The following ADSL variants were observed in gnomAD, a reference collection of about 807,000 sequenced individuals.
ADSL encodes the protein adenylosuccinase.
ADSL carries 44 observed loss-of-function variants against 62.1 expected under a neutral mutation model. That is an observed-to-expected ratio of 0.71 (90% CI 0.56 to 0.91). The LOEUF (loss-of-function observed/expected upper bound fraction) is 0.91. Among genes scored for constraint, ADSL ranks in the 40% least tolerant of loss-of-function variants. ADSL has a pLI of 0.00. For synonymous variants in ADSL, 198 were observed against 220.5 expected, an observed-to-expected ratio of 0.90 and a Z score of 0.90; for missense variants, 531 against 627.4, an observed-to-expected ratio of 0.85 and a Z score of 1.64.
At chr22:40,374,649 A>G (rs1415062550) in intron 2 of ADSL, among the ~76,000 whole-genome samples, 3 of 152,140 alleles carry the variant, frequency 2.0e-5, no homozygotes, top group East Asian at 1.9e-4. Context: ...TTGGGAGGCC[A>G]AGGTAGAGGA....
chr22:40,352,033 A>T (rs1366709354), intron 2 of ADSL: 1 of 152,224 alleles, frequency 6.6e-6, no homozygotes, highest in African/African-American at 2.4e-5. Context: ...GTGGGAGAAG[A>T]ACAGTCTTCT....
At chr22:40,380,573 G>T (rs1027735047) in intron 2 of ADSL, among the ~76,000 whole-genome samples, 2 of 151,924 alleles carry the variant, frequency 1.3e-5, no homozygotes, top group African/African-American at 4.8e-5. Flanking sequence ...CACCATGTTG[G>T]CCAGGCTGGT....
Position 40,360,450 on chromosome 22 carries a change from AGTACTGTCT to A in ADSL, c.753_761del (p.Ser253_Leu255del), listed in dbSNP as rs769288234. ...CATATACACGAAAAGTGGATATTGAAGTACTGTCTGTGCTGGCTAGCTTGGGGGCATCAG... is the reference window on the plus strand; with the variant it reads ...CATATACACGAAAAGTGGATATTGAAGTGCTGGCTAGCTTGGGGGCATCAG... On this transcript the variant is annotated inframe_deletion, in exon 7 of 13. Transcript: ENST00000623063. The A allele has an allele frequency of 1.2e-6, 2 of 1,614,144 alleles. No homozygotes were observed. Among genetic ancestry groups the A allele is most frequent in the Non-Finnish European group, 1.7e-6 (2 of 1,180,010 alleles).
chr22:40,353,621 C>CTTCTTTT (rs1555905988), intron 3 of ADSL, among the ~76,000 whole-genome samples: 1 of 114,804 alleles, frequency 8.7e-6, no homozygotes, highest in Non-Finnish European at 1.8e-5. Flanking sequence ...AAAGCATAGC[C>CTTCTTTT]TTTTTTTTTT....
Position 40,366,657 on chromosome 22 carries a change from C to G in ADSL, c.*135C>G, listed in dbSNP as rs1181716844. 2.8e-6 allele frequency: 2 copies of G among 711,684 alleles called. No individual in the cohort carries two copies. Among genetic ancestry groups the G allele is most frequent in the African/African-American group, 1.8e-5 (1 of 56,814 alleles). 44.1% of individuals were successfully genotyped at this position (711,684 alleles called of 1,614,324 possible). A position where few individuals can be genotyped will look rare whatever the true frequency, so the allele number is the denominator to read the frequency against. Reference sequence around the variant, plus strand: ...ACTTTCTTCTTCCCATGGTGCTTTCCTGTTTCTCAGTCTCACATTTCTCAA... The same window carrying G: ...ACTTTCTTCTTCCCATGGTGCTTTCGTGTTTCTCAGTCTCACATTTCTCAA... On this transcript the variant is annotated 3_prime_UTR_variant, in exon 13 of 13. Transcript: ENST00000623063.
chr22:40,350,240 C>T, intron 2 of ADSL: 2 of 544,258 alleles, frequency 3.7e-6, no homozygotes, highest in Non-Finnish European at 6.5e-6. Flanking sequence ...TCTCCTGCCT[C>T]AGCCTCCCGA....
At chr22:40,356,951 A>G (rs2044584580) in intron 4 of ADSL, among the ~76,000 whole-genome samples, 1 of 152,216 alleles carries the variant, frequency 6.6e-6, no homozygotes, top group Non-Finnish European at 1.5e-5. Context: ...ATTGGGGTAC[A>G]GTGGTGTGAT....
At chr22:40,356,651 C>G (rs1569094260) in intron 4 of ADSL, among the ~76,000 whole-genome samples, 1 of 151,714 alleles carries the variant, frequency 6.6e-6, no homozygotes, top group African/African-American at 2.4e-5. Flanking sequence ...TCGAGACCAG[C>G]CTGGGCAACA....
chr22:40,360,156 G>A (rs1036190370), intron 6 of ADSL, among the ~76,000 whole-genome samples: 2 of 152,208 alleles, frequency 1.3e-5, no homozygotes, highest in Non-Finnish European at 2.9e-5. Flanking sequence ...CACTGGTTGA[G>A]TATAACTTAG....
chr22:40,376,722 G>C (rs2046682995), intron 2 of ADSL, among the ~76,000 whole-genome samples: 1 of 143,962 alleles, frequency 6.9e-6, no homozygotes, highest in South Asian at 2.2e-4. Flanking sequence ...GGTGGAGTCA[G>C]GATTAGAACT....
At chr22:40,354,017 C>A (rs368627966) in intron 3 of ADSL, 90 of 584,290 alleles carry the variant, frequency 1.5e-4, no homozygotes, top group Non-Finnish European at 2.4e-4. Context: ...GTTTTTCTGC[C>A]GTGGTCTTAA....
chr22:40,383,546 T>TC (rs2146823603), intron 2 of ADSL, among the ~76,000 whole-genome samples: 1 of 152,002 alleles, frequency 6.6e-6, no homozygotes, highest in South Asian at 2.1e-4. Flanking sequence ...AAGTGGTGTT[T>TC]CAGAGCTAAG....
chr22:40,363,376 G>A lies in ADSL; in HGVS notation c.1101+305G>A, dbSNP rs73420599. 3.5e-3 allele frequency among the ~76,000 whole-genome samples: 539 copies of A among 152,274 alleles called. 4 individuals carry two copies. Among genetic ancestry groups the A allele is most frequent in the African/African-American group, 0.012 (513 of 41,542 alleles). On this transcript the variant is annotated intron_variant, in intron 10 of 12. Coordinates refer to ENST00000623063, the MANE Select transcript of ADSL (RefSeq NM_000026.4). Reference sequence around the variant, plus strand: ...TGTTTTTAAGTACTTGAGGCAGATGGGTTCATTTCTCTCCTATACTTAGCT... The same window carrying A: ...TGTTTTTAAGTACTTGAGGCAGATGAGTTCATTTCTCTCCTATACTTAGCT...
intron 2 of ADSL, among the ~76,000 whole-genome samples, chr22:40,351,565 C>T (rs2044349148): frequency 2.0e-5 from 3 of 152,126 alleles, no homozygotes; most frequent in Admixed American, 2.0e-4. Context: ...CCTTAGCCTC[C>T]CAAAGTCCTG....
rs540597292 is a variant in ADSL, at chr22:40,346,581, G to T, written c.23G>T (p.Gly8Val). 1.2e-6 allele frequency: 2 copies of T among 1,606,052 alleles called. No individual in the cohort carries two copies. The highest frequency in any genetic ancestry group is 1.1e-5 in the South Asian group (1 of 89,676). Reference protein sequence around the residue: MAAGGDHGSPDSYRSPLA... With the variant: MAAGGDHVSPDSYRSPLA... ...GGGATGGCGGCTGGAGGCGATCATG[G>T]TTCGCCCGACAGCTACCGCTCACCT... Residue 8 changes from glycine to valine, a missense_variant, in exon 1 of 13, where the codon GGT becomes GTT. Physicochemically the swap from Gly to Val is moderately radical, Grantham distance 109 (BLOSUM62 -3). Around this residue, in one of 2 missense-constraint regions of ADSL, gnomAD observed 60 missense variants for 34.5 expected, o/e 1.74. Coordinates refer to ENST00000623063, the MANE Select transcript of ADSL (RefSeq NM_000026.4).
intron 2 of ADSL, among the ~76,000 whole-genome samples, chr22:40,379,154 A>C (rs2047145210): frequency 6.6e-6 from 1 of 152,252 alleles, no homozygotes; most frequent in African/African-American, 2.4e-5. Context: ...TCCCCTCTAG[A>C]ATGCTGGGAC....
At chr22:40,382,229 A>G (rs1447516592) in intron 2 of ADSL, among the ~76,000 whole-genome samples, 1 of 152,236 alleles carries the variant, frequency 6.6e-6, no homozygotes, top group Non-Finnish European at 1.5e-5. Context: ...CAGCTACAAC[A>G]TAGCACCAGT....
intron 3 of ADSL, chr22:40,353,841 T>C: frequency 3.4e-6 from 1 of 297,730 alleles, no homozygotes; most frequent in Non-Finnish European, 6.4e-6. Context: ...TTAGCCAGGA[T>C]GATCTGGATC....
intron 2 of ADSL, among the ~76,000 whole-genome samples, chr22:40,384,479 A>G (rs1398070041): frequency 6.6e-6 from 1 of 152,196 alleles, no homozygotes; most frequent in African/African-American, 2.4e-5. Flanking sequence ...TTAAAAAAAA[A>G]TTAAAAAGAA....
Sources: allele counts gnomAD v4.1 joint callset (sites outside exome capture counted in the v4.1 genomes callset), GRCh38; gene constraint gnomAD v4.1.1; regional missense constraint gnomAD v4.1.1; transcripts MANE v1.5; gene names NCBI Gene and HGNC (gene_info 2026-07-23, HGNC 2026-07-21).